The following TAB2 variants were observed in gnomAD, a reference collection of about 807,000 sequenced individuals.
The protein encoded by TAB2 is TGF-beta activated kinase 1 (MAP3K7) binding protein 2.
TAB2 carries 3 observed loss-of-function variants against 65.0 expected under a neutral mutation model. That is an observed-to-expected ratio of 0.05 (90% CI 0.02 to 0.12). The LOEUF is 0.12. Ranked by LOEUF, TAB2 falls within the 10% of genes least tolerant of loss-of-function variation. The probability of loss-of-function intolerance (pLI) is 1.00; values close to 1 mark genes in which losing one functional copy is unlikely to be tolerated. For missense variants in TAB2, 623 were observed against 840.3 expected (o/e 0.74, Z 3.20); for synonymous variants, 298 against 285.1 (o/e 1.05, Z -0.46).
chr6:149,230,014 G>A (rs552639838), intron 1 of TAB2: 1 of 152,312 alleles, frequency 6.6e-6, no homozygotes, highest in African/African-American at 2.4e-5. Context: ...TTAGAATAAT[G>A]GAAAGGCTTG....
chr6:149,310,576 T>TAAA (rs10668215), intron 1 of TAB2, among the ~76,000 whole-genome samples: 9 of 151,288 alleles, frequency 5.9e-5, no homozygotes, highest in Admixed American at 2.0e-4. Flanking sequence ...ATATTTTTTT[T>TAAA]AAAATTGCAT....
rs1778959009 is a variant in TAB2 at position 149,300,921 on chromosome 6, C to CA, written c.-120-77095dup. Among the ~76,000 whole-genome samples, 12 of 152,214 alleles carry CA rather than the reference C, an allele frequency of 7.9e-5. 1 individual carries two copies. The highest frequency in any genetic ancestry group is 7.8e-4 in the Admixed American group (12 of 15,288). On this transcript the variant is annotated intron_variant, in intron 1 of 1. Coordinates refer to the TAB2 transcript ENST00000606202. ...CTCAGCTACTCAAGCGTATTGGATT[C>CA]AACTTGGCAAAAATGAACCTATATG... is the stretch of plus-strand genomic sequence containing the variant.
At chr6:149,257,329 T>A (rs1397775753) in intron 1 of TAB2, 1 of 152,216 alleles carries the variant, frequency 6.6e-6, no homozygotes, top group Non-Finnish European at 1.5e-5. Context: ...ATAAAGTTCT[T>A]GGGGAAAAGT....
At chr6:149,286,203 G>T (rs1215940013) in intron 1 of TAB2, among the ~76,000 whole-genome samples, 2 of 152,152 alleles carry the variant, frequency 1.3e-5, no homozygotes, top group Non-Finnish European at 2.9e-5. Flanking sequence ...TAAGATTTGC[G>T]AGTTAGAAGA....
intron 1 of TAB2, among the ~76,000 whole-genome samples, chr6:149,229,608 T>A (rs921430273): frequency 6.6e-6 from 1 of 151,502 alleles, no homozygotes; most frequent in Non-Finnish European, 1.5e-5. Flanking sequence ...CTGCACAGAG[T>A]CAGCAGGGCA....
chr6:149,375,912 T>C (rs1462984029), intron 2 of TAB2, among the ~76,000 whole-genome samples: 1 of 152,144 alleles, frequency 6.6e-6, no homozygotes, highest in Non-Finnish European at 1.5e-5. Context: ...TCACTATCCT[T>C]TTATATTACC....
intron 1 of TAB2, among the ~76,000 whole-genome samples, chr6:149,318,415 G>A (rs1779328913): frequency 6.7e-6 from 1 of 149,702 alleles, no homozygotes. Context: ...GGGCGGGGGA[G>A]GAAAAATCTC....
intron 1 of TAB2, among the ~76,000 whole-genome samples, chr6:149,284,417 C>T (rs985796273): frequency 5.3e-5 from 8 of 152,130 alleles, no homozygotes; most frequent in African/African-American, 1.7e-4. Flanking sequence ...AAGGTCCCAA[C>T]AATGTTATAG....
intron 3 of TAB2, among the ~76,000 whole-genome samples, chr6:149,390,021 T>C (rs1290301609): frequency 2.6e-5 from 4 of 152,202 alleles, no homozygotes; most frequent in African/African-American, 7.2e-5. Flanking sequence ...CAAGATCTGA[T>C]TTCAAATTGC....
intron 1 of TAB2, among the ~76,000 whole-genome samples, chr6:149,306,652 T>C (rs1203482331): frequency 6.6e-6 from 1 of 151,578 alleles, no homozygotes; most frequent in African/African-American, 2.4e-5. Flanking sequence ...CTTGGAAAGC[T>C]GAGGCAGGAG....
chr6:149,403,341 C>CAT (rs1782545123), intron 6 of TAB2, among the ~76,000 whole-genome samples: 281 of 3,338 alleles, frequency 0.084, 12 homozygotes, highest in African/African-American at 0.12. Flanking sequence ...CATATATATA[C>CAT]ACACACACAC....
chr6:149,373,643 T>C (rs1170634082), intron 2 of TAB2, among the ~76,000 whole-genome samples: 2 of 152,214 alleles, frequency 1.3e-5, no homozygotes, highest in Admixed American at 6.5e-5. Flanking sequence ...TGCAGGAGTT[T>C]GGGGAAAAAT....
At chr6:149,385,383 C>T (rs1322868360) in intron 3 of TAB2, among the ~76,000 whole-genome samples, 3 of 152,160 alleles carry the variant, frequency 2.0e-5, no homozygotes, top group East Asian at 1.9e-4. Flanking sequence ...AAATAAAAGC[C>T]TACTGCAGTA....
At chr6:149,387,378 A>G (rs562539337) in intron 3 of TAB2, among the ~76,000 whole-genome samples, 1 of 152,254 alleles carries the variant, frequency 6.6e-6, no homozygotes, top group South Asian at 2.1e-4. Flanking sequence ...TTTTCTCCTC[A>G]TTGAGTGATT....
In TAB2 at chr6:149,403,245, AAAATATATATATATATATATAT is replaced by A. The variant is rs1230196048; in HGVS notation, c.1939+4063_1939+4084del. 8.1e-4 allele frequency among the ~76,000 whole-genome samples: 38 copies of A among 47,172 alleles called. 1 individual carries two copies. Among genetic ancestry groups the A allele is most frequent in the African/African-American group, 3.2e-3 (24 of 7,472 alleles). 30.9% of individuals were successfully genotyped at this position (47,172 alleles called of 152,430 possible). On this transcript the variant is annotated intron_variant, in intron 6 of 6. Coordinates refer to ENST00000637181, the MANE Select transcript of TAB2 (RefSeq NM_001292034.3). Reference sequence around the variant, plus strand: ...GCGAAACTCTTGTCTAAAAAAAAAAAAAATATATATATATATATATATATATATATATATATATACACACACA... The same window carrying A: ...GCGAAACTCTTGTCTAAAAAAAAAAAATATATATATATATATACACACACA...
At chr6:149,403,099 C>A (rs959206915) in intron 6 of TAB2, among the ~76,000 whole-genome samples, 4 of 150,954 alleles carry the variant, frequency 2.6e-5, no homozygotes, top group African/African-American at 9.7e-5. Flanking sequence ...CCTGGCTTGG[C>A]GGCCCATGCC....
At chr6:149,403,244 AAAAATATATATATATAT>A (rs1326343930) in intron 6 of TAB2, among the ~76,000 whole-genome samples, 1 of 49,966 alleles carries the variant, frequency 2.0e-5, no homozygotes, top group African/African-American at 8.3e-5. Context: ...TAAAAAAAAA[AAAAATATATATATATAT>A]ATATATATAT....
chr6:149,296,515 A>G (rs114130930), intron 1 of TAB2, among the ~76,000 whole-genome samples: 3,307 of 152,300 alleles, frequency 0.022, 102 homozygotes, highest in African/African-American at 0.071. Flanking sequence ...CAATATTTCA[A>G]GAAATGTTTT....
At chr6:149,275,297 A>AAAGGAAGG (rs1491305195) in intron 1 of TAB2, among the ~76,000 whole-genome samples, 1 of 141,514 alleles carries the variant, frequency 7.1e-6, no homozygotes, top group Non-Finnish European at 1.6e-5. Flanking sequence ...AGAAAGAAAG[A>AAAGGAAGG]AAGAGAAAAA....
Sources: gnomAD v4.1 joint callset for allele counts (sites outside exome capture counted in the v4.1 genomes callset) on GRCh38, gnomAD v4.1.1 for gene constraint, MANE v1.5 for transcripts, NCBI Gene and HGNC (gene_info 2026-07-23, HGNC 2026-07-21) for gene names.